Variants in URB1 observed in about 807,000 individuals in gnomAD.
URB1 encodes the protein URB1 ribosome biogenesis factor.
In URB1, 197 loss-of-function variants were observed where a neutral mutation model predicts 242.3. The observed-to-expected ratio is 0.81, with a 90% CI of 0.72 to 0.91. The LOEUF (loss-of-function observed/expected upper bound fraction) is 0.91. Ranked by LOEUF, URB1 falls within the 40% of genes least tolerant of loss-of-function variation. The pLI is 0.00. For missense variants in URB1, 2,721 were observed against 2,860.5 expected (o/e 0.95, Z 1.11); for synonymous variants, 1,153 against 1,201.8 (o/e 0.96, Z 0.84).
intron 10 of URB1, among the ~76,000 whole-genome samples, chr21:32,365,984 C>T (rs564075203): frequency 3.0e-4 from 46 of 152,344 alleles, no homozygotes; most frequent in South Asian, 4.1e-4. Flanking sequence ...GTGCCAACAA[C>T]CCACAGCCAT....
At chr21:32,343,061 T>C (rs1010762756) in intron 24 of URB1, among the ~76,000 whole-genome samples, 1 of 152,150 alleles carries the variant, frequency 6.6e-6, no homozygotes, top group Admixed American at 6.5e-5. Flanking sequence ...ACACACAGCA[T>C]GCATAATATC....
At chr21:32,392,064 A>C (rs1229270921) in intron 1 of URB1, among the ~76,000 whole-genome samples, 1 of 151,988 alleles carries the variant, frequency 6.6e-6, no homozygotes, top group African/African-American at 2.4e-5. Flanking sequence ...AGTTGAAGAT[A>C]TTTTGGCCAT....
chr21:32,370,811 T>C (rs1160080771), intron 8 of URB1, among the ~76,000 whole-genome samples: 7 of 152,228 alleles, frequency 4.6e-5, no homozygotes, highest in Admixed American at 4.6e-4. Flanking sequence ...CAACAGACTG[T>C]GTAGGCTGCC....
chr21:32,372,177 A>G (rs2033413369), intron 8 of URB1, among the ~76,000 whole-genome samples: 1 of 152,248 alleles, frequency 6.6e-6, no homozygotes, highest in South Asian at 2.1e-4. Flanking sequence ...TGTGAGGCCC[A>G]TGTCAGGGCC....
intron 21 of URB1, 150 bp downstream of exon 21, chr21:32,349,154 G>A (rs751634283): frequency 2.8e-5 from 29 of 1,040,492 alleles, no homozygotes; most frequent in Admixed American, 6.9e-5. Flanking sequence ...CATGCTGGGC[G>A]GGTGCCAGGA....
intron 30 of URB1, among the ~76,000 whole-genome samples, chr21:32,327,604 T>C (rs141391794): frequency 6.6e-6 from 1 of 152,286 alleles, no homozygotes; most frequent in East Asian, 1.9e-4. Context: ...ATGGTAACAA[T>C]ATGGCAAATA....
At chr21:32,371,836 T>C (rs1489721681) in intron 8 of URB1, among the ~76,000 whole-genome samples, 1 of 151,688 alleles carries the variant, frequency 6.6e-6, no homozygotes, top group African/African-American at 2.4e-5. Flanking sequence ...AAAAATCACA[T>C]AGACCTGTAT....
chr21:32,347,301 G>T lies in URB1; in HGVS notation c.3523C>A (p.Leu1175Met). 6.4e-7 allele frequency: 1 copy of T among 1,551,212 alleles called. No individual in the cohort carries two copies. Among genetic ancestry groups the T allele is most frequent in the East Asian group, 2.4e-5 (1 of 40,922 alleles). Residue 1175 changes from leucine to methionine, a missense_variant, in exon 22 of 39, where the codon CTG becomes ATG. Transcript: ENST00000382751. ...CCTCTCACATACTCGGAGGACCACA[G>T]GAGCTCACCACTCTGCAGCTGATCC... Reference protein sequence around the residue: ...PQDQLQSGELLWSSEYVRGLG... With the variant: ...PQDQLQSGELMWSSEYVRGLG...
In URB1 at chr21:32,354,911, A is replaced by T; in HGVS notation, c.2193T>A (p.Thr731=). Residue 731 remains threonine (T), a synonymous_variant, in exon 17 of 39, where the codon ACT becomes ACA. Coordinates refer to ENST00000382751, the MANE Select transcript of URB1 (RefSeq NM_014825.3). ...TGTCATCGGCTTCTTGCTTCGTCAT[A>T]GTGGCCTGCAGCATGCTTGCTTCTT... ...FVQEASMLQA[T]MTKQEADDMS... 6.4e-7 allele frequency: 1 copy of T among 1,552,364 alleles called. No homozygotes were observed. The highest frequency in any genetic ancestry group is 8.7e-7 in the Non-Finnish European group (1 of 1,147,136).
Position 32,347,327 on chromosome 21 carries a change from T to C in URB1, c.3497A>G (p.Gln1166Arg). 1 of 1,551,320 alleles carries C rather than the reference T, an allele frequency of 6.4e-7. No homozygotes were observed. The highest frequency in any genetic ancestry group is 8.7e-7 in the Non-Finnish European group (1 of 1,146,986). Reference protein sequence around the residue: ...TLVQLLTCSPQDQLQSGELLW... With the variant: ...TLVQLLTCSPRDQLQSGELLW... The stretch of plus-strand genomic sequence containing the variant: ...GAGCTCACCACTCTGCAGCTGATCC[T>C]GGGGGCTGCAGGTCAGCAGCTGCAC... The change falls in exon 22 of 39, where the codon CAG becomes CGG. Residue 1166 changes from glutamine to arginine, a missense_variant. By Grantham distance (43) the Gln-to-Arg change is conservative. Coordinates refer to ENST00000382751, the MANE Select transcript of URB1 (RefSeq NM_014825.3).
At position 32,314,885 on chromosome 21, in the gene URB1, G is replaced by C; in HGVS notation, c.*33C>G. ...AGCTGGTGCTGTGCTCGAGGCTCTG[G>C]TCATCAGGGTGCAAGGTGCTGGCCG... On this transcript the variant is annotated 3_prime_UTR_variant, in exon 39 of 39. Transcript: ENST00000382751. 6.5e-7 allele frequency: 1 copy of C among 1,539,826 alleles called. No homozygotes were observed. The highest frequency in any genetic ancestry group is 1.4e-5 in the African/African-American group (1 of 72,904).
At chr21:32,383,940 G>T (rs1162279145) in intron 3 of URB1, among the ~76,000 whole-genome samples, 1 of 152,294 alleles carries the variant, frequency 6.6e-6, no homozygotes, top group Non-Finnish European at 1.5e-5. Context: ...CGGTTATCCA[G>T]ATTCCATGGT....
chr21:32,357,481 A>G (rs552122620), intron 15 of URB1, 56 bp downstream of exon 15: 2 of 1,414,458 alleles, frequency 1.4e-6, no homozygotes, highest in Admixed American at 6.4e-5. Flanking sequence ...CACTTACCAT[A>G]AGGAAGATCT....
chr21:32,362,796 C>T (rs567191420), intron 11 of URB1, among the ~76,000 whole-genome samples: 16 of 152,256 alleles, frequency 1.1e-4, no homozygotes, highest in Admixed American at 6.5e-4. Flanking sequence ...TATGTGTGTG[C>T]CTGCAGCCAT....
intron 9 of URB1, among the ~76,000 whole-genome samples, chr21:32,367,897 A>C (rs1214301081): frequency 6.6e-6 from 1 of 152,224 alleles, no homozygotes; most frequent in South Asian, 2.1e-4. Flanking sequence ...AAAGATTCTA[A>C]ATAAACCTCA....
chr21:32,321,460 T>C (rs1342302741), intron 34 of URB1, among the ~76,000 whole-genome samples: 6 of 152,182 alleles, frequency 3.9e-5, no homozygotes, highest in Admixed American at 6.5e-5. Context: ...TCTAGACTTG[T>C]GACCACTCTG....
At chr21:32,379,505 A>G (rs1024654532) in intron 4 of URB1, among the ~76,000 whole-genome samples, 1 of 152,250 alleles carries the variant, frequency 6.6e-6, no homozygotes, top group Non-Finnish European at 1.5e-5. Flanking sequence ...TCCACTTAGT[A>G]GTAGCAGGAG....
intron 1 of URB1, among the ~76,000 whole-genome samples, chr21:32,390,062 C>T (rs2033621925): frequency 6.6e-6 from 1 of 152,200 alleles, no homozygotes; most frequent in Admixed American, 6.5e-5. Flanking sequence ...AGGAGAGAAT[C>T]CAAGATACAG....
At chr21:32,330,247 G>T (rs2032878549) in intron 30 of URB1, among the ~76,000 whole-genome samples, 1 of 105,958 alleles carries the variant, frequency 9.4e-6, no homozygotes. Flanking sequence ...CTCTCCACCT[G>T]TATGCCTTTT....
Sources: allele counts gnomAD v4.1 joint callset (sites outside exome capture counted in the v4.1 genomes callset), GRCh38; gene constraint gnomAD v4.1.1; transcripts MANE v1.5; gene names NCBI Gene and HGNC (gene_info 2026-07-23, HGNC 2026-07-21).